Variants in AMPD3 observed in about 807,000 individuals in gnomAD.
AMPD3 encodes the protein AMP deaminase 3.
Under a neutral mutation model 82.3 loss-of-function variants are expected in AMPD3, and 57 were observed. The ratio of observed to expected loss-of-function variants is 0.69; its 90% CI spans 0.56 to 0.86. The LOEUF (loss-of-function observed/expected upper bound fraction) is 0.86. AMPD3 is among the 40% of genes least tolerant of loss of function. The pLI is 0.00. For missense variants in AMPD3, 870 were observed against 1,003.8 expected, an observed-to-expected ratio of 0.87 and a Z score of 1.80; for synonymous variants, 381 against 394.7, an observed-to-expected ratio of 0.97 and a Z score of 0.41.
chr11:10,504,658 A>T lies in AMPD3; in HGVS notation c.2126A>T (p.Gln709Leu), dbSNP rs1591490002. 2 of 1,613,878 alleles carry T rather than the reference A, an allele frequency of 1.2e-6. No individual in the cohort carries two copies. Among genetic ancestry groups the T allele is most frequent in the East Asian group, 4.5e-5 (2 of 44,868 alleles). ...NSVLQSGLSH[Q>L]EKQKFLGQNY... ...GTGCTGCAGAGCGGCCTCTCGCATC[A>T]GGTATGGAGTGTGACGGTGCTGCCT... Residue 709 changes from glutamine to leucine, a missense_variant and splice_region_variant, in exon 14 of 15, where the codon CAG (glutamine) becomes CTG (leucine). By Grantham distance (113) the Gln-to-Leu change is moderately radical (BLOSUM62 -2). Transcript: ENST00000396553.
upstream of AMPD3, among the ~76,000 whole-genome samples, chr11:10,453,061 T>C (rs915266113): frequency 1.3e-5 from 2 of 152,226 alleles, no homozygotes; most frequent in African/African-American, 4.8e-5. Context: ...GCGATTCTCC[T>C]GCCTCAGCTT....
chr11:10,490,458 G>T, intron 6 of AMPD3: 1 of 983,960 alleles, frequency 1.0e-6, no homozygotes, highest in Non-Finnish European at 1.2e-6. Flanking sequence ...GTATGGAAAT[G>T]GTCAATGTTG....
At chr11:10,460,339 T>A (rs1052634159) in intron 1 of AMPD3, among the ~76,000 whole-genome samples, 5 of 151,576 alleles carry the variant, frequency 3.3e-5, no homozygotes, top group Non-Finnish European at 7.4e-5. Context: ...GCTCAAGCAG[T>A]CCTCTTGCCT....
chr11:10,500,298 T>C (rs767873778), intron 11 of AMPD3, 49 bp downstream of exon 11: 1 of 1,595,382 alleles, frequency 6.3e-7, no homozygotes, highest in Non-Finnish European at 8.6e-7. Context: ...TGTTAGTACA[T>C]GCACGCATGC....
At chr11:10,497,478 G>A (rs746721812) in intron 10 of AMPD3, 78 of 714,884 alleles carry the variant, frequency 1.1e-4, no homozygotes, top group African/African-American at 6.9e-4. Flanking sequence ...GGCGGGAGCC[G>A]GTCCCACCCT....
At position 10,506,490 on chromosome 11, in the gene AMPD3, T is replaced by C. The variant is rs1184597956; in HGVS notation, c.*606T>C. 6.3e-6 allele frequency: 1 copy of C among 159,882 alleles called. No individual in the cohort carries two copies. Among genetic ancestry groups the C allele is most frequent in the African/African-American group, 2.4e-5 (1 of 41,462 alleles). The allele number at this position is 159,882 out of a possible 1,614,324, so 9.9% of individuals were successfully genotyped here. On this transcript the variant is annotated 3_prime_UTR_variant, in exon 15 of 15. Transcript: ENST00000396553. The surrounding 1 kb of genome is among the most constrained non-coding windows in gnomAD (Gnocchi z 4.1). ...AAAACAGCCACTCCTATTCTGAGTC[T>C]TGGTTTCTTCACCTAGAAAGTGAGG...
At chr11:10,493,725 G>A (rs1279506172) in intron 7 of AMPD3, 182 bp downstream of exon 7, 2 of 742,158 alleles carry the variant, frequency 2.7e-6, no homozygotes, top group East Asian at 5.4e-5. Flanking sequence ...CATGGGACAG[G>A]GAAAGAGGGT....
chr11:10,478,833 G>A, intron 3 of AMPD3, 103 bp downstream of exon 3: 1 of 1,264,368 alleles, frequency 7.9e-7, no homozygotes, highest in Non-Finnish European at 1.1e-6. Flanking sequence ...CCTGTCCGTG[G>A]ATGTCTGGGA....
Position 10,504,908 on chromosome 11 carries a change from T to G in AMPD3, c.2127+249T>G, listed in dbSNP as rs115827845. Among the ~76,000 whole-genome samples the G allele has an allele frequency of 6.2e-3, 941 of 152,322 alleles. 13 individuals are homozygous for G. The highest frequency in any genetic ancestry group is 0.022 in the African/African-American group (897 of 41,572). ...CATTCTAAAATAGCCACACACTTGC[T>G]ATTATTCTCTATCCCCTTAATCAGT... On this transcript the variant is annotated intron_variant, in intron 14 of 14. Transcript: ENST00000396553.
intron 5 of AMPD3, 74 bp downstream of exon 5, chr11:10,485,113 A>T: frequency 7.0e-7 from 1 of 1,423,028 alleles, no homozygotes; most frequent in Non-Finnish European, 9.7e-7. Flanking sequence ...GAAAGGCCTC[A>T]CCCCTCTGCC....
intron 2 of AMPD3, chr11:10,477,199 T>C: frequency 1.4e-6 from 1 of 731,774 alleles, no homozygotes; most frequent in African/African-American, 1.9e-5. Flanking sequence ...TTCAGGCCTG[T>C]AGGTATCACA....
At chr11:10,479,329 T>C (rs542801909) in intron 3 of AMPD3, among the ~76,000 whole-genome samples, 1 of 152,338 alleles carries the variant, frequency 6.6e-6, no homozygotes, top group African/African-American at 2.4e-5. Flanking sequence ...GAGAGAAATA[T>C]CACTGAGTTA....
At chr11:10,505,089 G>A (rs1849680946) in intron 14 of AMPD3, 1 of 983,982 alleles carries the variant, frequency 1.0e-6, no homozygotes, top group African/African-American at 1.7e-5. Context: ...AATATTTCTT[G>A]AATAGATGAA....
intron 2 of AMPD3, among the ~76,000 whole-genome samples, chr11:10,471,958 A>G (rs562467352): frequency 1.3e-5 from 2 of 152,342 alleles, no homozygotes; most frequent in East Asian, 3.9e-4. Flanking sequence ...TATATACCCA[A>G]AGGATTATAA....
chr11:10,451,993 TG>T (rs1847975313), upstream of AMPD3, among the ~76,000 whole-genome samples: 1 of 152,166 alleles, frequency 6.6e-6, no homozygotes, highest in Non-Finnish European at 1.5e-5. Context: ...TGCAGCTTCA[TG>T]GGGCCTGGCT....
intron 2 of AMPD3, chr11:10,477,143 T>G: frequency 1.0e-6 from 1 of 982,400 alleles, no homozygotes; most frequent in Non-Finnish European, 1.2e-6. Flanking sequence ...GGAAGAGAGC[T>G]GCTTCTGGGT....
chr11:10,478,449 C>G, intron 2 of AMPD3, 77 bp from the exon 3 acceptor site: 1 of 1,590,998 alleles, frequency 6.3e-7, no homozygotes, highest in Non-Finnish European at 8.6e-7. Context: ...TCCTGCCACG[C>G]ACACAGCAAA....
At chr11:10,491,598 G>A (rs923932668) in intron 6 of AMPD3, among the ~76,000 whole-genome samples, 1 of 152,206 alleles carries the variant, frequency 6.6e-6, no homozygotes, top group Non-Finnish European at 1.5e-5. Context: ...CTCCCGTGGT[G>A]GCAGTGAGGT....
chr11:10,481,545 G>T (rs1848906021), intron 3 of AMPD3: 1 of 974,950 alleles, frequency 1.0e-6, no homozygotes, highest in African/African-American at 1.8e-5. Context: ...CTCCAGGTTG[G>T]ATGATTCACC....
Sources: allele counts gnomAD v4.1 joint callset (sites outside exome capture counted in the v4.1 genomes callset), GRCh38; gene constraint gnomAD v4.1.1; non-coding constraint Gnocchi (gnomAD v3.1); transcripts MANE v1.5; gene names NCBI Gene and HGNC (gene_info 2026-07-23, HGNC 2026-07-21).